The following DAP variants were observed in gnomAD, a reference collection of about 807,000 sequenced individuals.
The protein encoded by DAP is death associated protein, also known as death-associated protein 1.
In DAP, 8 loss-of-function variants were observed where a neutral mutation model predicts 13.8. That is an observed-to-expected ratio of 0.58 (90% CI 0.34 to 1.05). DAP has a LOEUF of 1.05. Among genes scored for constraint, DAP ranks in the 50% least tolerant of loss-of-function variants. The probability of loss-of-function intolerance (pLI) is 0.03; values close to 1 mark genes in which losing one functional copy is unlikely to be tolerated. For synonymous variants in DAP, 47 were observed against 47.5 expected (o/e 0.99, Z 0.04); for missense variants, 106 against 133.2 (o/e 0.80, Z 1.01).
At chr5:10,742,864 T>C (rs1432231877) in intron 2 of DAP, among the ~76,000 whole-genome samples, 4 of 152,190 alleles carry the variant, frequency 2.6e-5, no homozygotes, top group Admixed American at 6.5e-5. Context: ...AATACAGGTA[T>C]GACACTAACC....
intron 2 of DAP, among the ~76,000 whole-genome samples, chr5:10,715,619 C>G (rs1365249141): frequency 6.6e-6 from 1 of 152,224 alleles, no homozygotes; most frequent in Middle Eastern, 3.2e-3. Context: ...CATAGCACCT[C>G]TCAGAAGCAA....
At chr5:10,727,617 T>C (rs149987110) in intron 2 of DAP, among the ~76,000 whole-genome samples, 1 of 152,224 alleles carries the variant, frequency 6.6e-6, no homozygotes, top group Non-Finnish European at 1.5e-5. Flanking sequence ...GACAACTCAA[T>C]ATCCAAGTTA....
At chr5:10,698,243 T>G (rs1738479837) in intron 2 of DAP, among the ~76,000 whole-genome samples, 1 of 114,660 alleles carries the variant, frequency 8.7e-6, no homozygotes, top group African/African-American at 3.5e-5. Context: ...AGGCCCTTCC[T>G]CAGATCATAC....
At chr5:10,719,132 G>A (rs1425650106) in intron 2 of DAP, among the ~76,000 whole-genome samples, 1 of 152,220 alleles carries the variant, frequency 6.6e-6, no homozygotes, top group Non-Finnish European at 1.5e-5. Context: ...TAAGGTAAAG[G>A]ACAAGTTGCT....
chr5:10,718,428 G>A (rs1317314591), intron 2 of DAP, among the ~76,000 whole-genome samples: 2 of 152,204 alleles, frequency 1.3e-5, no homozygotes, highest in African/African-American at 4.8e-5. Flanking sequence ...ATTATGGTGG[G>A]AAAGGCCAAA....
At chr5:10,688,598 C>G (rs1231273651) in intron 2 of DAP, among the ~76,000 whole-genome samples, 5 of 152,104 alleles carry the variant, frequency 3.3e-5, no homozygotes, top group Non-Finnish European at 5.9e-5. Flanking sequence ...GAAACGCAGA[C>G]AAGCAAAACA....
intron 2 of DAP, among the ~76,000 whole-genome samples, chr5:10,709,879 CT>C (rs1409999819): frequency 6.6e-6 from 1 of 152,204 alleles, no homozygotes; most frequent in African/African-American, 2.4e-5. Flanking sequence ...CAATGATGTC[CT>C]GGGACCCAGG....
intron 1 of DAP, among the ~76,000 whole-genome samples, chr5:10,748,883 A>G (rs1038915964): frequency 4.6e-5 from 7 of 152,156 alleles, no homozygotes; most frequent in Non-Finnish European, 1.0e-4. Context: ...GTATAATTCG[A>G]TGGTTTTGAG....
At position 10,750,919 on chromosome 5, in the gene DAP, C is replaced by CA. The variant is rs142192725; in HGVS notation, c.56-2649_56-2648insT. Among the ~76,000 whole-genome samples the CA allele has an allele frequency of 1.4e-3, 217 of 152,298 alleles. 1 individual carries two copies. Among genetic ancestry groups the CA allele is most frequent in the African/African-American group, 4.8e-3 (201 of 41,566 alleles). The stretch of plus-strand genomic sequence containing the variant: ...GCCAGGAGTATAGGTGTCTGAAAAT[C>CA]CTTTTCAAGGCAGATTTCTCAGAAG... On this transcript the variant is annotated intron_variant, in intron 1 of 3. Transcript: ENST00000230895.
chr5:10,696,093 G>T (rs1448088993), intron 2 of DAP, among the ~76,000 whole-genome samples: 1 of 152,096 alleles, frequency 6.6e-6, no homozygotes, highest in East Asian at 1.9e-4. Flanking sequence ...TTCAGTTTCT[G>T]GCGTGTGGAT....
chr5:10,690,173 C>A (rs1157654608), intron 2 of DAP, among the ~76,000 whole-genome samples: 1 of 152,114 alleles, frequency 6.6e-6, no homozygotes, highest in Admixed American at 6.6e-5. Flanking sequence ...CCGCAAGAGG[C>A]GACTCGGCGG....
chr5:10,686,549 C>T (rs1292830046), intron 2 of DAP, among the ~76,000 whole-genome samples: 5 of 152,154 alleles, frequency 3.3e-5, no homozygotes, highest in Admixed American at 2.0e-4. Flanking sequence ...GGAGAAAGTT[C>T]GAGTGGTCTG....
At chr5:10,683,811 G>C (rs1011060904) in intron 2 of DAP, among the ~76,000 whole-genome samples, 1 of 152,128 alleles carries the variant, frequency 6.6e-6, no homozygotes, top group South Asian at 2.1e-4. Context: ...AACTGCGAGT[G>C]AATTGCCTTC....
At chr5:10,716,248 G>A (rs4309940) in intron 2 of DAP, among the ~76,000 whole-genome samples, 49 of 152,314 alleles carry the variant, frequency 3.2e-4, no homozygotes, top group African/African-American at 1.1e-3. Flanking sequence ...GATAAAATGC[G>A]ACTAAGAGAA....
chr5:10,697,123 A>G (rs1284853672), intron 2 of DAP, among the ~76,000 whole-genome samples: 1 of 152,186 alleles, frequency 6.6e-6, no homozygotes, highest in African/African-American at 2.4e-5. Context: ...GCTTAGCTCT[A>G]AAGCTACATT....
chr5:10,718,944 T>G (rs1315469850), intron 2 of DAP, among the ~76,000 whole-genome samples: 1 of 152,254 alleles, frequency 6.6e-6, no homozygotes. Flanking sequence ...TCCATTACAT[T>G]GATGACCTTA....
At chr5:10,692,129 T>TA (rs1185159846) in intron 2 of DAP, among the ~76,000 whole-genome samples, 5 of 152,132 alleles carry the variant, frequency 3.3e-5, no homozygotes, top group Admixed American at 1.3e-4. Context: ...AAACCCAAAT[T>TA]CATAGTTTTA....
chr5:10,706,955 C>T (rs74520780), intron 2 of DAP, among the ~76,000 whole-genome samples: 13,768 of 152,164 alleles, frequency 0.09, 863 homozygotes, highest in Non-Finnish European at 0.14. Flanking sequence ...CCTGGTCACG[C>T]GCTTCCTCCT....
chr5:10,747,854 A>G (rs1419288939), intron 2 of DAP, among the ~76,000 whole-genome samples: 1 of 152,172 alleles, frequency 6.6e-6, no homozygotes, highest in Non-Finnish European at 1.5e-5. Context: ...AGGGAGGCAC[A>G]CTGGCTAAAC....
Sources: allele counts gnomAD v4.1 joint callset (sites outside exome capture counted in the v4.1 genomes callset), GRCh38; gene constraint gnomAD v4.1.1; transcripts MANE v1.5; gene names NCBI Gene and HGNC (gene_info 2026-07-23, HGNC 2026-07-21).